Variants in ANO3 observed in about 807,000 individuals in gnomAD.
The protein encoded by ANO3 is anoctamin-3.
Under a neutral mutation model 144.8 loss-of-function variants are expected in ANO3, and 99 were observed. The observed-to-expected ratio is 0.68, with a 90% CI of 0.58 to 0.81. The LOEUF (loss-of-function observed/expected upper bound fraction) is 0.81. ANO3 is among the 30% of genes least tolerant of loss of function. The probability of loss-of-function intolerance (pLI) is 0.00; values close to 1 mark genes in which losing one functional copy is unlikely to be tolerated. For synonymous variants in ANO3, 414 were observed against 392.6 expected (o/e 1.05, Z -0.64); for missense variants, 905 against 1,202.2 (o/e 0.75, Z 3.66).
intron 13 of ANO3, 188 bp from the exon 14 acceptor site, chr11:26,559,531 C>A: frequency 1.8e-6 from 1 of 565,194 alleles, no homozygotes; most frequent in East Asian, 2.9e-5. Flanking sequence ...TTCTTCACCT[C>A]TCCCCATGAG....
chr11:26,389,315 C>T (rs1204311576), intron 1 of ANO3, among the ~76,000 whole-genome samples: 1 of 152,058 alleles, frequency 6.6e-6, no homozygotes, highest in Non-Finnish European at 1.5e-5. Flanking sequence ...CTGACTTAAT[C>T]TCTCAGTGTC....
intron 1 of ANO3, among the ~76,000 whole-genome samples, chr11:26,291,278 C>T (rs1853950682): frequency 6.6e-6 from 1 of 152,044 alleles, no homozygotes; most frequent in South Asian, 2.1e-4. Flanking sequence ...TTCCTCCATC[C>T]CTTTATTTTG....
chr11:26,403,279 T>C (rs1490127765), intron 1 of ANO3, among the ~76,000 whole-genome samples: 4 of 151,950 alleles, frequency 2.6e-5, no homozygotes, highest in African/African-American at 9.7e-5. Flanking sequence ...TCTCTTTTAT[T>C]GCAATAATAG....
intron 1 of ANO3, chr11:26,285,690 C>G (rs1853790870): frequency 6.6e-6 from 1 of 152,202 alleles, no homozygotes; most frequent in African/African-American, 2.4e-5. Context: ...GCTAATCACT[C>G]AACATCTAGA....
chr11:26,372,405 C>T (rs1189327569), intron 1 of ANO3, among the ~76,000 whole-genome samples: 1 of 152,148 alleles, frequency 6.6e-6, no homozygotes, highest in Non-Finnish European at 1.5e-5. Flanking sequence ...AGAGAATGGA[C>T]TAATACAATA....
chr11:26,355,958 A>G (rs1855771929), intron 1 of ANO3, among the ~76,000 whole-genome samples: 1 of 152,184 alleles, frequency 6.6e-6, no homozygotes, highest in South Asian at 2.1e-4. Flanking sequence ...CTATAAATGG[A>G]TATCCTTTGG....
intron 26 of ANO3, among the ~76,000 whole-genome samples, chr11:26,658,611 A>T (rs1853773594): frequency 6.6e-6 from 1 of 151,898 alleles, no homozygotes; most frequent in African/African-American, 2.4e-5. Flanking sequence ...ACTCCGTCCA[A>T]AAAAAAAGCT....
At chr11:26,399,523 G>A (rs552545161) in intron 1 of ANO3, among the ~76,000 whole-genome samples, 1 of 151,812 alleles carries the variant, frequency 6.6e-6, no homozygotes, top group African/African-American at 2.4e-5. Flanking sequence ...TCTGGACTTC[G>A]TTCTGTCTCT....
intron 5 of ANO3, 59 bp downstream of exon 5, chr11:26,508,321 T>G (rs749586011): frequency 1.4e-6 from 2 of 1,476,654 alleles, no homozygotes; most frequent in Admixed American, 5.2e-5. Context: ...ATATAATCAC[T>G]TATGGTTTAG....
intron 14 of ANO3, chr11:26,565,233 G>A: frequency 4.5e-6 from 7 of 1,542,716 alleles, no homozygotes; most frequent in Non-Finnish European, 6.1e-6. Context: ...AGGCTGTAGA[G>A]TTGTTTTTTC....
intron 6 of ANO3, among the ~76,000 whole-genome samples, chr11:26,521,716 A>C (rs1451032591): frequency 6.6e-6 from 1 of 152,126 alleles, no homozygotes; most frequent in African/African-American, 2.4e-5. Flanking sequence ...TCCAAAGCTG[A>C]TTCCTATTCA....
intron 4 of ANO3, among the ~76,000 whole-genome samples, chr11:26,472,673 A>G (rs770616098): frequency 2.0e-5 from 3 of 151,902 alleles, no homozygotes; most frequent in Non-Finnish European, 4.4e-5. Context: ...TCAATGTTTT[A>G]TACTTAAGAA....
intron 4 of ANO3, among the ~76,000 whole-genome samples, chr11:26,500,481 A>C (rs1217254970): frequency 6.6e-6 from 1 of 152,094 alleles, no homozygotes; most frequent in African/African-American, 2.4e-5. Context: ...CTTTTTCATT[A>C]TAGCCTTCAT....
chr11:26,591,319 C>G (rs1220165698), intron 14 of ANO3, among the ~76,000 whole-genome samples: 1 of 152,112 alleles, frequency 6.6e-6, no homozygotes, highest in East Asian at 1.9e-4. Context: ...GTTGAGATTT[C>G]CTCAGGAGGG....
At chr11:26,551,921 T>C (rs1044494301) in intron 12 of ANO3, among the ~76,000 whole-genome samples, 2 of 151,988 alleles carry the variant, frequency 1.3e-5, no homozygotes, top group African/African-American at 2.4e-5. Flanking sequence ...GTAAGACCCA[T>C]TTCATCATCG....
chr11:26,643,630 C>G (rs762973379), intron 23 of ANO3, among the ~76,000 whole-genome samples: 8 of 151,992 alleles, frequency 5.3e-5, no homozygotes, highest in Non-Finnish European at 8.8e-5. Flanking sequence ...TGGTGGGTGC[C>G]TGTAATCCCA....
intron 14 of ANO3, among the ~76,000 whole-genome samples, chr11:26,591,551 G>A (rs1851453068): frequency 6.6e-6 from 1 of 152,202 alleles, no homozygotes; most frequent in African/African-American, 2.4e-5. Flanking sequence ...GGTGGTGAAA[G>A]TGGGGTCTCC....
At chr11:26,658,414 GAGCAA>G (rs57159286) in intron 26 of ANO3, among the ~76,000 whole-genome samples, 35,455 of 106,864 alleles carry the variant, frequency 0.33, 4,402 homozygotes, top group South Asian at 0.47. Flanking sequence ...AGGAGTTCAA[GAGCAA>G]AGAGCAACAT....
chr11:26,387,948 G>A (rs1453820788), intron 1 of ANO3, among the ~76,000 whole-genome samples: 1 of 151,980 alleles, frequency 6.6e-6, no homozygotes, highest in Non-Finnish European at 1.5e-5. Context: ...CCTGGTACAG[G>A]TTTTCATTTG....
Sources: gnomAD v4.1 joint callset for allele counts (sites outside exome capture counted in the v4.1 genomes callset) on GRCh38, gnomAD v4.1.1 for gene constraint, MANE v1.5 for transcripts, NCBI Gene and HGNC (gene_info 2026-07-23, HGNC 2026-07-21) for gene names.